PHIP: variants seen among roughly 807,000 people sequenced by gnomAD.
The protein encoded by PHIP is PHIP subunit of CUL4-Ring ligase complex, also known as PH-interacting protein.
In PHIP, 54 loss-of-function variants were observed where a neutral mutation model predicts 236.8. The ratio of observed to expected loss-of-function variants is 0.23; its 90% CI spans 0.18 to 0.29. The LOEUF (loss-of-function observed/expected upper bound fraction) is 0.29, where lower values mean the gene tolerates loss of function less well. Ranked by LOEUF, PHIP falls within the 10% of genes least tolerant of loss-of-function variation. The probability of loss-of-function intolerance (pLI) is 1.00; values close to 1 mark genes in which losing one functional copy is unlikely to be tolerated. For missense variants in PHIP, 1,370 were observed against 2,190.8 expected (o/e 0.63, Z 7.48); for synonymous variants, 756 against 718.9 (o/e 1.05, Z -0.83).
At chr6:78,967,098 A>AT (rs1487602597) in intron 27 of PHIP, among the ~76,000 whole-genome samples, 3 of 152,238 alleles carry the variant, frequency 2.0e-5, no homozygotes, top group African/African-American at 7.2e-5. Flanking sequence ...AAAAGTAGTT[A>AT]TGTTCTCATT....
chr6:78,998,207 T>C (rs983393227), intron 18 of PHIP, 47 bp downstream of exon 18: 3 of 1,503,452 alleles, frequency 2.0e-6, no homozygotes, highest in African/African-American at 1.4e-5. Context: ...AGATTTAGGC[T>C]GTTTCAAATT....
At chr6:79,051,819 A>C (rs1024897240) in intron 6 of PHIP, among the ~76,000 whole-genome samples, 1 of 152,204 alleles carries the variant, frequency 6.6e-6, no homozygotes, top group Admixed American at 6.5e-5. Context: ...TAGAAAACAC[A>C]CAATGACATA....
intron 7 of PHIP, among the ~76,000 whole-genome samples, chr6:79,034,474 G>A (rs1335891702): frequency 6.6e-6 from 1 of 152,146 alleles, no homozygotes; most frequent in African/African-American, 2.4e-5. Flanking sequence ...ACAGGGCCAT[G>A]AATCACTTCA....
intron 27 of PHIP, among the ~76,000 whole-genome samples, chr6:78,967,901 G>A (rs1286426956): frequency 6.6e-6 from 1 of 152,098 alleles, no homozygotes; most frequent in Non-Finnish European, 1.5e-5. Flanking sequence ...TTGGGAGGCT[G>A]AGGCGGGCGG....
At position 78,939,429 on chromosome 6, in the gene PHIP, AT is replaced by A. The variant is rs1773387097; in HGVS notation, c.*1263del. On this transcript the variant is annotated 3_prime_UTR_variant, in exon 40 of 40. Transcript: ENST00000275034. ...ATAAAACATGATTGCATAAAAAGTG[AT>A]TTGGCCTATTTTAACCTTTAATAAT... is the stretch of plus-strand genomic sequence containing the variant. 1 of 151,864 alleles carries A rather than the reference AT, an allele frequency of 6.6e-6. No individual in the cohort carries two copies. Among genetic ancestry groups the A allele is most frequent in the Non-Finnish European group, 1.5e-5 (1 of 67,740 alleles). 9.4% of individuals were successfully genotyped at this position (151,864 alleles called of 1,614,324 possible).
At position 79,016,489 on chromosome 6, in the gene PHIP, A is replaced by AT. The variant is rs541106156; in HGVS notation, c.1235+54dup. The AT allele has an allele frequency of 2.3e-5, 26 of 1,129,652 alleles. No individual in the cohort carries two copies. In the African/African-American group the frequency reaches 3.7e-4, roughly 16 times the overall value. The allele number at this position is 1,129,652 out of a possible 1,614,324, so 70.0% of individuals were successfully genotyped here. A position where few individuals can be genotyped will look rare whatever the true frequency, so the allele number is the denominator to read the frequency against. On this transcript the variant is annotated intron_variant, in intron 13 of 39. Transcript: ENST00000275034. ...AGGCTGAGAGTCACCAACCTGCACT[A>AT]TAACATACTTTAAAAAATCAATATA...
chr6:79,017,427 T>G, intron 11 of PHIP, 41 bp from the exon 12 acceptor site: 1 of 1,585,082 alleles, frequency 6.3e-7, no homozygotes, highest in South Asian at 1.1e-5. Flanking sequence ...GTGCTGAATA[T>G]AAACTCTTGG....
At chr6:79,042,714 G>A in intron 7 of PHIP, 129 bp downstream of exon 7, 2 of 610,894 alleles carry the variant, frequency 3.3e-6, no homozygotes, top group Non-Finnish European at 5.4e-6. Flanking sequence ...GTTAGAGTAA[G>A]TGAAACCACC....
Position 78,995,158 on chromosome 6 carries a change from A to G in PHIP, c.2201+2256T>C, listed in dbSNP as rs571183326. The stretch of plus-strand genomic sequence containing the variant: ...ACTTTGAAATTATTTTTCTCCACTC[A>G]GCATAATTCCCTCAAGATTCATACC... On this transcript the variant is annotated intron_variant, in intron 19 of 39. Coordinates refer to ENST00000275034, the MANE Select transcript of PHIP (RefSeq NM_017934.7). Among the ~76,000 whole-genome samples the G allele has an allele frequency of 5.0e-3, 760 of 152,318 alleles. 5 individuals carry two copies. Among genetic ancestry groups the G allele is most frequent in the Non-Finnish European group, 7.4e-3 (500 of 68,024 alleles).
At chr6:78,997,322 A>G (rs1769685885) in intron 19 of PHIP, 92 bp downstream of exon 19, 5 of 1,105,610 alleles carry the variant, frequency 4.5e-6, no homozygotes, top group Non-Finnish European at 4.0e-6. Flanking sequence ...TTTCAGAGGA[A>G]TTACAGAGCT....
intron 20 of PHIP, among the ~76,000 whole-genome samples, chr6:78,989,460 A>G (rs1226647696): frequency 6.6e-6 from 1 of 152,202 alleles, no homozygotes; most frequent in African/African-American, 2.4e-5. Flanking sequence ...CATCCATGAA[A>G]TAAATGCAGG....
At chr6:79,026,927 C>T (rs967850603) in intron 7 of PHIP, among the ~76,000 whole-genome samples, 1 of 151,822 alleles carries the variant, frequency 6.6e-6, no homozygotes, top group African/African-American at 2.4e-5. Context: ...AGATTCAAAA[C>T]TTAATATTTT....
chr6:79,070,728 T>A lies in PHIP; in HGVS notation c.189+6720A>T, dbSNP rs540133030. On this transcript the variant is annotated intron_variant, in intron 4 of 39. Transcript: ENST00000275034. ...GGATGCTCTAATTCCTCATATAAAC[T>A]GGCACAGTATTTTCGTATAACCTTT... 3.9e-5 allele frequency among the ~76,000 whole-genome samples: 6 copies of A among 152,316 alleles called. No individual in the cohort carries two copies. In the South Asian group the frequency reaches 1.2e-3, roughly 32 times the overall value.
At chr6:78,979,082 A>G (rs1768328193) in intron 23 of PHIP, among the ~76,000 whole-genome samples, 2 of 151,934 alleles carry the variant, frequency 1.3e-5, no homozygotes, top group Non-Finnish European at 2.9e-5. Flanking sequence ...CAAATACTAT[A>G]TGCCATTTTT....
intron 4 of PHIP, among the ~76,000 whole-genome samples, chr6:79,077,001 C>T (rs935643289): frequency 1.3e-5 from 2 of 152,188 alleles, no homozygotes; most frequent in Admixed American, 6.5e-5. Context: ...CACTTCGGAG[C>T]AGTTAGTCAC....
chr6:79,053,321 T>G (rs746054370), intron 6 of PHIP, among the ~76,000 whole-genome samples: 1 of 151,974 alleles, frequency 6.6e-6, no homozygotes, highest in African/African-American at 2.4e-5. Context: ...CTCAAAAGAA[T>G]AAAATTAAAT....
At chr6:79,038,696 T>C (rs1374348246) in intron 7 of PHIP, among the ~76,000 whole-genome samples, 1 of 152,084 alleles carries the variant, frequency 6.6e-6, no homozygotes, top group African/African-American at 2.4e-5. Context: ...TCAGCCTTCT[T>C]ACATTAGATA....
chr6:78,975,396 G>C (rs1452286555), intron 24 of PHIP, among the ~76,000 whole-genome samples: 4 of 152,160 alleles, frequency 2.6e-5, no homozygotes, highest in African/African-American at 7.2e-5. Flanking sequence ...AGCTATCTAT[G>C]ACAAACCCAC....
At chr6:79,034,965 G>A (rs1182311402) in intron 7 of PHIP, among the ~76,000 whole-genome samples, 1 of 152,152 alleles carries the variant, frequency 6.6e-6, no homozygotes, top group South Asian at 2.1e-4. Context: ...CTCTACTTAT[G>A]AGATAGAACT....
Sources: gnomAD v4.1 joint callset for allele counts (sites outside exome capture counted in the v4.1 genomes callset) on GRCh38, gnomAD v4.1.1 for gene constraint, MANE v1.5 for transcripts, NCBI Gene and HGNC (gene_info 2026-07-23, HGNC 2026-07-21) for gene names.